Variants in NRXN3 observed in about 807,000 individuals in gnomAD.
NRXN3 encodes neurexin III.
Under a neutral mutation model 137.6 loss-of-function variants are expected in NRXN3, and 32 were observed. The observed-to-expected ratio is 0.23, with a 90% CI of 0.18 to 0.31. The LOEUF (loss-of-function observed/expected upper bound fraction) is 0.31. Ranked by LOEUF, NRXN3 falls within the 10% of genes least tolerant of loss-of-function variation. The pLI is 1.00. For missense variants in NRXN3, 1,574 were observed against 2,062.5 expected (o/e 0.76, Z 4.59); for synonymous variants, 798 against 784.5 (o/e 1.02, Z -0.29).
chr14:79,388,276 C>T (rs1381887065), intron 15 of NRXN3, among the ~76,000 whole-genome samples: 1 of 152,094 alleles, frequency 6.6e-6, no homozygotes, highest in Non-Finnish European at 1.5e-5. Context: ...GTTTATTCAG[C>T]CTGCAGAACC....
intron 16 of NRXN3, among the ~76,000 whole-genome samples, chr14:79,652,675 C>A (rs1038680292): frequency 1.3e-5 from 2 of 151,986 alleles, no homozygotes; most frequent in African/African-American, 2.4e-5. Context: ...GAGTCAGCTC[C>A]CTGTGACATG....
At chr14:78,481,709 A>G (rs2095476223) in intron 4 of NRXN3, among the ~76,000 whole-genome samples, 2 of 152,200 alleles carry the variant, frequency 1.3e-5, no homozygotes, top group Admixed American at 1.3e-4. Context: ...TCTTCATACC[A>G]AAAACAATAT....
In NRXN3 at chr14:79,701,278, A is replaced by C. The variant is rs867680017; in HGVS notation, c.4014+3341A>C. Among the ~76,000 whole-genome samples the C allele has an allele frequency of 7.2e-5, 11 of 152,226 alleles. No individual in the cohort carries two copies. The Middle Eastern group carries it at 0.031, about 424-fold the overall frequency. On this transcript the variant is annotated intron_variant, in intron 19 of 20. Transcript: ENST00000335750. Reference sequence around the variant, plus strand: ...TAAGTTCTAGTTAACTATTTATATGAAACAAATTTTCCCATAACTTGGTGG... The same window carrying C: ...TAAGTTCTAGTTAACTATTTATATGCAACAAATTTTCCCATAACTTGGTGG...
chr14:79,084,058 TA>T (rs2047590704), intron 15 of NRXN3, among the ~76,000 whole-genome samples: 1 of 152,028 alleles, frequency 6.6e-6, no homozygotes, highest in South Asian at 2.1e-4. Context: ...TACAGGCCTG[TA>T]CCACCATGCC....
At chr14:78,533,863 T>G (rs938727351) in intron 4 of NRXN3, among the ~76,000 whole-genome samples, 1 of 152,202 alleles carries the variant, frequency 6.6e-6, no homozygotes, top group Non-Finnish European at 1.5e-5. Flanking sequence ...GAGTTACCTG[T>G]TTTTGTATTT....
chr14:79,783,810 T>C (rs2099121279), intron 19 of NRXN3, among the ~76,000 whole-genome samples: 1 of 152,202 alleles, frequency 6.6e-6, no homozygotes, highest in South Asian at 2.1e-4. Flanking sequence ...GTGAGGACAG[T>C]GAATCCTAAT....
chr14:79,462,501 A>ATATG (rs1417938524), intron 15 of NRXN3, among the ~76,000 whole-genome samples: 3 of 133,192 alleles, frequency 2.3e-5, no homozygotes, highest in Non-Finnish European at 4.9e-5. Context: ...TGATATATAT[A>ATATG]TATACACACA....
chr14:78,364,225 T>C (rs1004940477), intron 4 of NRXN3, among the ~76,000 whole-genome samples: 2 of 152,204 alleles, frequency 1.3e-5, no homozygotes, highest in Non-Finnish European at 2.9e-5. Flanking sequence ...AGACCAGGGC[T>C]TCTAGCCCAT....
chr14:78,823,730 G>A (rs1318999774), intron 10 of NRXN3, among the ~76,000 whole-genome samples: 1 of 152,120 alleles, frequency 6.6e-6, no homozygotes, highest in Non-Finnish European at 1.5e-5. Flanking sequence ...GAGCAGGGTA[G>A]CTGAATATAC....
intron 4 of NRXN3, among the ~76,000 whole-genome samples, chr14:78,491,931 T>G (rs2095675445): frequency 6.6e-6 from 1 of 152,166 alleles, no homozygotes. Flanking sequence ...AGTGGGATAT[T>G]GCAGAAAGAA....
At chr14:79,513,080 G>T (rs1230744992) in intron 16 of NRXN3, among the ~76,000 whole-genome samples, 1 of 152,216 alleles carries the variant, frequency 6.6e-6, no homozygotes, top group Non-Finnish European at 1.5e-5. Flanking sequence ...GCCTGGATTT[G>T]CTGGGTAACC....
intron 4 of NRXN3, among the ~76,000 whole-genome samples, chr14:78,572,402 T>C (rs1041751103): frequency 6.6e-6 from 1 of 152,156 alleles, no homozygotes; most frequent in Non-Finnish European, 1.5e-5. Flanking sequence ...ACCTTCAGTG[T>C]GTCGAGATGC....
intron 4 of NRXN3, among the ~76,000 whole-genome samples, chr14:78,345,269 C>T (rs775063058): frequency 7.9e-5 from 12 of 152,098 alleles, no homozygotes; most frequent in Admixed American, 2.0e-4. Flanking sequence ...TAAGGGCACC[C>T]GGGTTTATGG....
intron 15 of NRXN3, among the ~76,000 whole-genome samples, chr14:79,455,843 ATAT>A (rs1171378397): frequency 6.6e-6 from 1 of 151,846 alleles, no homozygotes; most frequent in Non-Finnish European, 1.5e-5. Flanking sequence ...ATTATTTCAA[ATAT>A]TATCGGGTAA....
chr14:79,263,588 C>T (rs982999191), intron 15 of NRXN3, among the ~76,000 whole-genome samples: 1 of 152,094 alleles, frequency 6.6e-6, no homozygotes, highest in Non-Finnish European at 1.5e-5. Context: ...ATTTGAATTT[C>T]TCCTCTGTAA....
At chr14:79,043,495 C>T (rs1272347960) in intron 15 of NRXN3, among the ~76,000 whole-genome samples, 1 of 152,198 alleles carries the variant, frequency 6.6e-6, no homozygotes, top group Non-Finnish European at 1.5e-5. Flanking sequence ...AGAAAAGCAA[C>T]TGGAGGTCCT....
intron 15 of NRXN3, among the ~76,000 whole-genome samples, chr14:79,374,961 A>C (rs939227590): frequency 6.6e-6 from 1 of 152,150 alleles, no homozygotes; most frequent in African/African-American, 2.4e-5. Flanking sequence ...AGCAGCATCC[A>C]AAAAATCCAC....
intron 20 of NRXN3, among the ~76,000 whole-genome samples, chr14:79,812,628 A>T (rs908708125): frequency 6.6e-6 from 1 of 152,186 alleles, no homozygotes; most frequent in African/African-American, 2.4e-5. Context: ...ACGATTGAAG[A>T]ATTAGTACAG....
intron 1 of NRXN3, among the ~76,000 whole-genome samples, chr14:78,222,932 T>C (rs2064028034): frequency 6.6e-6 from 1 of 152,190 alleles, no homozygotes; most frequent in Admixed American, 6.5e-5. Flanking sequence ...TTTGAGTGGG[T>C]GAGTAAATGC....
Sources: allele counts gnomAD v4.1 joint callset (sites outside exome capture counted in the v4.1 genomes callset), GRCh38; gene constraint gnomAD v4.1.1; transcripts MANE v1.5; gene names NCBI Gene and HGNC (gene_info 2026-07-23, HGNC 2026-07-21).